Variants in CDH2 observed in about 807,000 individuals in gnomAD.
CDH2 encodes cadherin 2, also known as cadherin-2.
A neutral mutation model predicts 92.0 loss-of-function variants in CDH2; 17 were observed. That is an observed-to-expected ratio of 0.18 (90% confidence interval 0.13 to 0.28). The LOEUF is 0.28. Among genes scored for constraint, CDH2 ranks in the 10% least tolerant of loss-of-function variants. CDH2 has a pLI of 1.00. For synonymous variants in CDH2, 419 were observed against 415.9 expected, an observed-to-expected ratio of 1.01 and a Z score of -0.09; for missense variants, 862 against 1,133.1, an observed-to-expected ratio of 0.76 and a Z score of 3.44.
rs17495056 is a variant in CDH2, at chr18:28,148,856, A to G, written c.61-1072T>C. Among the ~76,000 whole-genome samples, 1,442 of 152,326 alleles carry G rather than the reference A, an allele frequency of 9.5e-3. 28 individuals are homozygous for G. Among genetic ancestry groups the G allele is most frequent in the African/African-American group, 0.033 (1,354 of 41,566 alleles). Reference sequence around the variant, plus strand: ...TGAATTATGCATGTGAAATTTTGCAAATACTAATGTTGCAAAAATCTAGAC... The same window carrying G: ...TGAATTATGCATGTGAAATTTTGCAGATACTAATGTTGCAAAAATCTAGAC... On this transcript the variant is annotated intron_variant, in intron 1 of 15. Transcript: ENST00000269141.
intron 7 of CDH2, among the ~76,000 whole-genome samples, chr18:27,995,935 G>C (rs573279566): frequency 6.6e-6 from 1 of 152,292 alleles, no homozygotes; most frequent in South Asian, 2.1e-4. Flanking sequence ...GAACTGCTTA[G>C]AGCTTCTTGC....
chr18:28,132,214 A>G (rs1227455559), intron 2 of CDH2, among the ~76,000 whole-genome samples: 1 of 152,188 alleles, frequency 6.6e-6, no homozygotes, highest in East Asian at 1.9e-4. Flanking sequence ...ACCCACTATC[A>G]GTTAGGATGC....
intron 7 of CDH2, among the ~76,000 whole-genome samples, chr18:28,002,426 C>A (rs1481158255): frequency 1.3e-5 from 2 of 152,170 alleles, no homozygotes; most frequent in African/African-American, 4.8e-5. Flanking sequence ...AAATGTGTTT[C>A]TTTGTATTTC....
chr18:28,076,629 G>A (rs2014724546), intron 2 of CDH2, among the ~76,000 whole-genome samples: 5 of 151,186 alleles, frequency 3.3e-5, no homozygotes, highest in African/African-American at 1.2e-4. Flanking sequence ...CCATTTTCAT[G>A]TGCTGCACCC....
chr18:28,107,811 A>G (rs2015347113), intron 2 of CDH2, among the ~76,000 whole-genome samples: 1 of 152,148 alleles, frequency 6.6e-6, no homozygotes, highest in Admixed American at 6.6e-5. Context: ...TCAGGTGAAG[A>G]CTACCAATTA....
chr18:27,997,749 G>C (rs1393721939), intron 7 of CDH2, among the ~76,000 whole-genome samples: 1 of 152,074 alleles, frequency 6.6e-6, no homozygotes, highest in African/African-American at 2.4e-5. Flanking sequence ...TGGGGACAGA[G>C]AGTTGAATAA....
At chr18:28,094,749 G>A (rs185432560) in intron 2 of CDH2, among the ~76,000 whole-genome samples, 23 of 127,566 alleles carry the variant, frequency 1.8e-4, no homozygotes, top group Non-Finnish European at 3.0e-4. Context: ...AGCCGAGATC[G>A]CACCACTGCA....
chr18:28,046,108 T>C (rs1275451736), intron 2 of CDH2, among the ~76,000 whole-genome samples: 1 of 152,224 alleles, frequency 6.6e-6, no homozygotes, highest in African/African-American at 2.4e-5. Context: ...CAAGCATTCC[T>C]TTCTATAAGA....
chr18:28,009,652 A>G (rs1385249057), intron 5 of CDH2, 65 bp downstream of exon 5: 3 of 1,447,784 alleles, frequency 2.1e-6, no homozygotes, highest in Non-Finnish European at 2.9e-6. Flanking sequence ...ATAAGAGGCA[A>G]TGGTAAACTC....
chr18:28,018,191 T>C (rs1194045576), intron 2 of CDH2, among the ~76,000 whole-genome samples: 2 of 146,356 alleles, frequency 1.4e-5, no homozygotes, highest in Non-Finnish European at 3.0e-5. Flanking sequence ...GGCAACAGAC[T>C]GCTGTAAGGA....
chr18:28,128,493 T>C (rs972039401), intron 2 of CDH2, among the ~76,000 whole-genome samples: 3 of 152,088 alleles, frequency 2.0e-5, no homozygotes, highest in Non-Finnish European at 4.4e-5. Context: ...AAGACCAATC[T>C]GCACAACATG....
At chr18:27,946,920 T>G (rs1909280634), downstream of CDH2, among the ~76,000 whole-genome samples, 1 of 151,882 alleles carries the variant, frequency 6.6e-6, no homozygotes, top group Non-Finnish European at 1.5e-5. Context: ...TGTTATAAAA[T>G]TCAACATGTA....
intron 6 of CDH2, among the ~76,000 whole-genome samples, chr18:28,004,920 T>G (rs2077362): frequency 0.035 from 5,317 of 152,204 alleles, 147 homozygotes; most frequent in African/African-American, 0.077. Flanking sequence ...GCATAGTTGG[T>G]TATATCTATA....
intron 2 of CDH2, among the ~76,000 whole-genome samples, chr18:28,026,870 T>C (rs912624146): frequency 1.3e-5 from 2 of 152,090 alleles, no homozygotes; most frequent in African/African-American, 2.4e-5. Context: ...TTCCTAGATA[T>C]TCAGAAAGAT....
chr18:27,956,416 G>A (rs1436352774), intron 15 of CDH2, among the ~76,000 whole-genome samples: 2 of 152,104 alleles, frequency 1.3e-5, no homozygotes, highest in Non-Finnish European at 2.9e-5. Context: ...CAGGCTTTAT[G>A]GGCGGAGACA....
At chr18:28,160,528 C>G (rs2016291668) in intron 1 of CDH2, among the ~76,000 whole-genome samples, 1 of 152,172 alleles carries the variant, frequency 6.6e-6, no homozygotes, top group Admixed American at 6.5e-5. Context: ...ACAGCTCGAC[C>G]ACTGGCTCAA....
chr18:28,068,127 C>T lies in CDH2; in HGVS notation c.173-54218G>A, dbSNP rs17446260. Among the ~76,000 whole-genome samples, 706 of 152,250 alleles carry T rather than the reference C, an allele frequency of 4.6e-3. 6 individuals are homozygous for T. The South Asian group carries it at 0.047, about 10-fold the overall frequency. On this transcript the variant is annotated intron_variant, in intron 2 of 15. Transcript: ENST00000269141. ...CAAGGCTCTCACTGGCAAATCCTTC[C>T]GAAACACAAGGGAGGATCCCACCGC...
intron 2 of CDH2, among the ~76,000 whole-genome samples, chr18:28,040,330 A>C (rs2013924600): frequency 6.6e-6 from 1 of 152,224 alleles, no homozygotes; most frequent in Admixed American, 6.5e-5. Context: ...TCATATAAGC[A>C]GAAGGCCAAT....
intron 15 of CDH2, among the ~76,000 whole-genome samples, chr18:27,959,921 T>A: frequency 6.6e-6 from 1 of 151,886 alleles, no homozygotes; most frequent in Non-Finnish European, 1.5e-5. Context: ...AGGTTGAGGA[T>A]GGAGGATGGC....
Sources: gnomAD v4.1 joint callset for allele counts (sites outside exome capture counted in the v4.1 genomes callset) on GRCh38, gnomAD v4.1.1 for gene constraint, MANE v1.5 for transcripts, NCBI Gene and HGNC (gene_info 2026-07-23, HGNC 2026-07-21) for gene names.